FKBP1C: variants seen among roughly 807,000 people sequenced by gnomAD.
FKBP1C encodes FKBP prolyl isomerase family member 1C.
A neutral mutation model predicts 7.1 loss-of-function variants in FKBP1C; 7 were observed. The observed-to-expected ratio is 0.99, with a 90% CI of 0.56 to 1.86. The LOEUF is 1.86. Among genes scored for constraint, FKBP1C ranks in the 40% most tolerant of loss-of-function variants. The pLI is 0.00. For synonymous variants in FKBP1C, 56 were observed against 51.2 expected (o/e 1.09, Z -0.40); for missense variants, 159 against 139.9 (o/e 1.14, Z -0.69).
chr6:63,212,109 T>C (rs1261859421), exon 1 of FKBP1C: 1 of 617,576 alleles, frequency 1.6e-6, no homozygotes, highest in African/African-American at 1.8e-5. Context: ...CTAAACTATA[T>C]GCCATAAACG....
exon 1 of FKBP1C, chr6:63,213,002 GC>G (rs1378236433): frequency 1.5e-5 from 2 of 136,452 alleles, no homozygotes; most frequent in Admixed American, 8.3e-5. Context: ...CAATAAAAGT[GC>G]TTTATGCTGG....
At chr6:63,211,624 G>C (rs1447839475) in exon 1 of FKBP1C, 1 of 1,608,316 alleles carries the variant, frequency 6.2e-7, no homozygotes, top group Admixed American at 1.7e-5. Flanking sequence ...AGCCAGACCT[G>C]CGTGATGCAC....
rs374339224 is a variant in FKBP1C, at chr6:63,211,529, G to A, written c.-28G>A. The stretch of plus-strand genomic sequence containing the variant: ...GTCGGTCCACGCCGCCCGTCGCGCT[G>A]CCCGCCCGCTCGGCGTCGGCCGCCG... On this transcript the variant is annotated 5_prime_UTR_variant, in exon 1 of 1. Transcript: ENST00000370659. 1.6e-3 allele frequency: 1,504 copies of A among 966,718 alleles called. 26 individuals are homozygous for A. The African/African-American group carries it at 0.021, about 14-fold the overall frequency. The allele number at this position is 966,718 out of a possible 1,614,324, so 59.9% of individuals were successfully genotyped here.
chr6:63,211,894 C>T, exon 1 of FKBP1C: 1 of 1,612,250 alleles, frequency 6.2e-7, no homozygotes, highest in Non-Finnish European at 8.5e-7. Flanking sequence ...CAGGAATGGC[C>T]TCCTCCCTTA....
exon 1 of FKBP1C, chr6:63,211,857 G>C (rs748793060): frequency 4.3e-6 from 7 of 1,613,020 alleles, no homozygotes; most frequent in Non-Finnish European, 5.9e-6. Flanking sequence ...TCTCGTCTTC[G>C]ATGTGGAGCT....
chr6:63,212,073 C>G, exon 1 of FKBP1C: 2 of 679,622 alleles, frequency 2.9e-6, no homozygotes, highest in Non-Finnish European at 2.6e-6. Context: ...TTTCCTCTTC[C>G]CCTTTCTCCT....
chr6:63,211,507 G>C (rs1430197773), exon 1 of FKBP1C: 1 of 718,586 alleles, frequency 1.4e-6, no homozygotes, highest in Non-Finnish European at 2.4e-6. Context: ...GGTCGCTGTC[G>C]GTCCACGCCG....
exon 1 of FKBP1C, chr6:63,211,703 T>C (rs1408717606): frequency 6.2e-7 from 1 of 1,613,894 alleles, no homozygotes; most frequent in East Asian, 2.2e-5. Context: ...CCTTTAAGTT[T>C]ATGCTAGGCA....
chr6:63,212,188 C>T, exon 1 of FKBP1C: 1 of 540,648 alleles, frequency 1.8e-6, no homozygotes, highest in Non-Finnish European at 3.4e-6. Context: ...ATATAGGTTT[C>T]CAATTAAGTA....
At chr6:63,211,492 C>A (rs1462588106) in exon 1 of FKBP1C, 1 of 658,944 alleles carries the variant, frequency 1.5e-6, no homozygotes, top group Admixed American at 2.6e-5. Context: ...GTGGAACCGC[C>A]GCCAGGTCGC....
At chr6:63,211,523 C>A (rs1024585804) in exon 1 of FKBP1C, 4 of 876,876 alleles carry the variant, frequency 4.6e-6, no homozygotes, top group South Asian at 4.3e-5. Context: ...CGCCGCCCGT[C>A]GCGCTGCCCG....
At chr6:63,211,948 A>ATG in exon 1 of FKBP1C, 1 of 1,561,174 alleles carries the variant, frequency 6.4e-7, no homozygotes, top group Non-Finnish European at 8.8e-7. Flanking sequence ...TGGTGCCTCC[A>ATG]GACGTGTGCA....
chr6:63,212,274 A>G, exon 1 of FKBP1C: 1 of 269,904 alleles, frequency 3.7e-6, no homozygotes, highest in East Asian at 8.2e-5. Flanking sequence ...TTGCAAGAAT[A>G]TTTTATTTTA....
chr6:63,211,924 G>A (rs755887817), exon 1 of FKBP1C: 3 of 1,606,744 alleles, frequency 1.9e-6, no homozygotes, highest in Non-Finnish European at 2.6e-6. Flanking sequence ...TCTTGGATCT[G>A]CCATGGAGGG....
chr6:63,212,241 G>C, exon 1 of FKBP1C: 1 of 378,400 alleles, frequency 2.6e-6, no homozygotes, highest in Non-Finnish European at 5.0e-6. Flanking sequence ...TTAACGTTAG[G>C]ATAGGAATTG....
exon 1 of FKBP1C, chr6:63,211,623 T>G: frequency 1.2e-6 from 2 of 1,607,612 alleles, no homozygotes; most frequent in Non-Finnish European, 1.7e-6. Flanking sequence ...CAGCCAGACC[T>G]GCGTGATGCA....
exon 1 of FKBP1C, chr6:63,211,470 C>T: frequency 1.6e-6 from 1 of 619,840 alleles, no homozygotes; most frequent in Non-Finnish European, 2.9e-6. Context: ...CGCTGAGGGA[C>T]TAGGCAGAGC....
chr6:63,211,572 G>A, exon 1 of FKBP1C: 2 of 1,462,654 alleles, frequency 1.4e-6, no homozygotes, highest in Non-Finnish European at 1.9e-6. Context: ...AGTGCACGTG[G>A]AAACCATCTC....
exon 1 of FKBP1C, chr6:63,211,648 T>C: frequency 6.2e-7 from 1 of 1,614,036 alleles, no homozygotes; most frequent in South Asian, 1.1e-5. Flanking sequence ...ACCGGGATGC[T>C]TGAAGATGGA....
Sources: gnomAD v4.1 joint callset for allele counts on GRCh38, gnomAD v4.1.1 for gene constraint, MANE v1.5 for transcripts, NCBI Gene and HGNC (gene_info 2026-07-23, HGNC 2026-07-21) for gene names.